The following NBPF11 variants were observed in gnomAD, a reference collection of about 807,000 sequenced individuals.
NBPF11 encodes the protein NBPF member 11, also known as NBPF family member NBPF11.
In NBPF11, 72 loss-of-function variants were observed where a neutral mutation model predicts 93.9. The observed-to-expected ratio is 0.77, with a 90% CI of 0.63 to 0.93. The LOEUF is 0.93. NBPF11 is among the 40% of genes least tolerant of loss of function. The pLI is 0.00. For synonymous variants in NBPF11, 224 were observed against 304.9 expected (o/e 0.73, Z 2.76); for missense variants, 705 against 802.2 (o/e 0.88, Z 1.46).
In NBPF11 at chr1:148,131,130, C is replaced by T. The variant is rs1404791234; in HGVS notation, c.-35-4092G>A. ...GCCTCCCTAAAAACTGTTTCAGTAG[C>T]GACTGAGTGGTTCAATTAAATATTA... On this transcript the variant is annotated intron_variant, in intron 4 of 23. Coordinates refer to ENST00000682118, the MANE Select transcript of NBPF11 (RefSeq NM_001385469.3). Among the ~76,000 whole-genome samples the T allele has an allele frequency of 2.3e-4, 33 of 146,440 alleles. No homozygotes were observed. In the East Asian group the frequency reaches 5.6e-3, roughly 25 times the overall value.
chr1:148,139,294 G>A (rs1466466613), intron 2 of NBPF11, among the ~76,000 whole-genome samples: 1 of 146,640 alleles, frequency 6.8e-6, no homozygotes, highest in Non-Finnish European at 1.5e-5. Flanking sequence ...CTACTATTAT[G>A]TTCCCCCGAA....
chr1:148,126,784 G>T, intron 5 of NBPF11, 45 bp downstream of exon 5: 2 of 1,601,532 alleles, frequency 1.2e-6, no homozygotes, highest in Non-Finnish European at 1.7e-6. Flanking sequence ...AGCATTTAGT[G>T]TCTCACATTC....
chr1:148,103,743 C>T lies in NBPF11; in HGVS notation c.*153G>A, dbSNP rs1271150594. On this transcript the variant is annotated 3_prime_UTR_variant, in exon 24 of 24. Transcript: ENST00000682118. ...ACCGTCAAAGTAAAAAACCTATTGT[C>T]CATGTCAAGGGCAAAGCTGATGTGC... 2.5e-6 allele frequency: 4 copies of T among 1,611,598 alleles called. No individual in the cohort carries two copies. In the African/African-American group the frequency reaches 5.3e-5, roughly 22 times the overall value.
At chr1:148,143,092 A>ATG in intron 2 of NBPF11, among the ~76,000 whole-genome samples, 1 of 143,008 alleles carries the variant, frequency 7.0e-6, no homozygotes, top group Non-Finnish European at 1.5e-5. Flanking sequence ...AAACAGAGAG[A>ATG]GAAATGGGGG....
In NBPF11 at chr1:148,108,500, A is replaced by G; in HGVS notation, c.2008T>C (p.Leu670=). The change falls in exon 18 of 24, where the codon TTG becomes CTG. Residue 670 remains leucine, a synonymous_variant. Coordinates refer to ENST00000682118, the MANE Select transcript of NBPF11 (RefSeq NM_001385469.3). ...TACTCACCATCCATGTCAACAGCCA[A>G]GCCAATACGCTGTTGCTCCAATACG... ...FYVLEQQRIG[L]AVDMDEIEKY... 2.5e-6 allele frequency: 4 copies of G among 1,590,952 alleles called. No individual in the cohort carries two copies. In the African/African-American group the frequency reaches 4.1e-5, roughly 16 times the overall value.
At chr1:148,113,328 T>C (rs2149202075) in intron 15 of NBPF11, among the ~76,000 whole-genome samples, 1 of 151,934 alleles carries the variant, frequency 6.6e-6, no homozygotes, top group Non-Finnish European at 1.5e-5. Context: ...TCCTAGTCTC[T>C]GATAAAACAG....
rs1217001504 is a variant in NBPF11, at chr1:148,123,878, C to T, written c.468G>A (p.Gln156=). ...CTGGGCTGAGCTTTTGGACAAGGTGCTGTGCCAGTCTACACCCCTCAGCCA... is the reference window on the plus strand; with the variant it reads ...CTGGGCTGAGCTTTTGGACAAGGTGTTGTGCCAGTCTACACCCCTCAGCCA... ...EQLAEGCRLA[Q]HLVQKLSPEN... is the part of the protein sequence containing the mutation. Residue 156 remains glutamine (Q), a synonymous_variant, in exon 7 of 24, where the codon CAG becomes CAA. Coordinates refer to ENST00000682118, the MANE Select transcript of NBPF11 (RefSeq NM_001385469.3). 3.4e-5 allele frequency: 55 copies of T among 1,606,816 alleles called. No individual in the cohort carries two copies. The highest frequency in any genetic ancestry group is 4.5e-4 in the Middle Eastern group (2 of 4,448).
rs1353357227 is a variant in NBPF11 at position 148,102,444 on chromosome 1, AG to A, written c.*1451del. Reference sequence around the variant, plus strand: ...TCATTATAAGTAAGGTGTCTCTAAAAGGGACAGATCTCCTAGACCCCTCCTT... The same window carrying A: ...TCATTATAAGTAAGGTGTCTCTAAAAGGACAGATCTCCTAGACCCCTCCTT... On this transcript the variant is annotated 3_prime_UTR_variant, in exon 24 of 24. Coordinates refer to ENST00000682118, the MANE Select transcript of NBPF11 (RefSeq NM_001385469.3). The A allele has an allele frequency of 6.6e-6, 1 of 151,876 alleles. No homozygotes were observed. Among genetic ancestry groups the A allele is most frequent in the African/African-American group, 2.4e-5 (1 of 41,172 alleles). 9.4% of individuals were successfully genotyped at this position (151,876 alleles called of 1,614,324 possible). A position where few individuals can be genotyped will look rare whatever the true frequency, so the allele number is the denominator to read the frequency against.
At position 148,103,678 on chromosome 1, in the gene NBPF11, G is replaced by A. The variant is rs1388562583; in HGVS notation, c.*218C>T. The A allele has an allele frequency of 2.5e-6, 4 of 1,611,128 alleles. No homozygotes were observed. In the Admixed American group the frequency reaches 5.0e-5, roughly 20 times the overall value. ...GCTTAGTAAGGGCTGCTTATTGTGG[G>A]AATATGACTCCCATCTGGAAGACCA... On this transcript the variant is annotated 3_prime_UTR_variant, in exon 24 of 24. Transcript: ENST00000682118.
chr1:148,140,213 A>C (rs1438253290), intron 2 of NBPF11, among the ~76,000 whole-genome samples: 1 of 152,060 alleles, frequency 6.6e-6, no homozygotes, highest in Non-Finnish European at 1.5e-5. Flanking sequence ...GTGCTAGAAC[A>C]GCTGGACAAC....
intron 12 of NBPF11, among the ~76,000 whole-genome samples, chr1:148,116,874 C>CA (rs1174451851): frequency 2.6e-5 from 4 of 152,176 alleles, no homozygotes; most frequent in Non-Finnish European, 5.9e-5. Context: ...GGTGTCCTGT[C>CA]ACAGTTTGCA....
chr1:148,146,410 C>G, intron 1 of NBPF11: 2 of 1,601,974 alleles, frequency 1.2e-6, no homozygotes, highest in South Asian at 2.2e-5. Flanking sequence ...CGGGCTGTCG[C>G]TGAGTGAGCT....
Position 148,116,545 on chromosome 1 carries a change from C to G in NBPF11, c.1307-10G>C. 1 of 673,462 alleles carries G rather than the reference C, an allele frequency of 1.5e-6. No individual in the cohort carries two copies. Among genetic ancestry groups the G allele is most frequent in the East Asian group, 2.6e-5 (1 of 38,272 alleles). The allele number at this position is 673,462 out of a possible 1,614,324, so 41.7% of individuals were successfully genotyped here. On this transcript the variant is annotated splice_polypyrimidine_tract_variant and intron_variant, in intron 12 of 23. Transcript: ENST00000682118. ...TCATCGTTATCATTTTCTGTAAATA[C>G]AGAAGTGTTCATTCAGATATTTCCC...
chr1:148,135,667 C>A lies in NBPF11; in HGVS notation c.-36+5G>T. The A allele has an allele frequency of 1.6e-6, 1 of 637,534 alleles. No homozygotes were observed. The highest frequency in any genetic ancestry group is 2.8e-6 in the Non-Finnish European group (1 of 359,740). The allele number at this position is 637,534 out of a possible 1,614,324, so 39.5% of individuals were successfully genotyped here. A position where few individuals can be genotyped will look rare whatever the true frequency, so the allele number is the denominator to read the frequency against. ...TCAGAAAGCTCTCTGTGTTTGAGTA[C>A]GCACCTTGATCCATAGGCTCACATT... On this transcript the variant is annotated splice_donor_5th_base_variant and intron_variant, in intron 4 of 23. Transcript: ENST00000682118.
At position 148,103,822 on chromosome 1, in the gene NBPF11, T is replaced by C; in HGVS notation, c.*74A>G. On this transcript the variant is annotated 3_prime_UTR_variant, in exon 24 of 24. Coordinates refer to ENST00000682118, the MANE Select transcript of NBPF11 (RefSeq NM_001385469.3). ...TGTAGTGCTGGAATGAGTCAGGTAGTTCAAAGTACATTGATGGAGTCGAAT... is the reference window on the plus strand; with the variant it reads ...TGTAGTGCTGGAATGAGTCAGGTAGCTCAAAGTACATTGATGGAGTCGAAT... 14 of 1,611,732 alleles carry C rather than the reference T, an allele frequency of 8.7e-6. No homozygotes were observed. Among genetic ancestry groups the C allele is most frequent in the Non-Finnish European group, 1.2e-5 (14 of 1,179,448 alleles).
intron 5 of NBPF11, 62 bp downstream of exon 5, chr1:148,126,767 T>A (rs1288163602): frequency 6.4e-7 from 1 of 1,551,598 alleles, no homozygotes; most frequent in Non-Finnish European, 8.9e-7. Context: ...TTATTTTTGA[T>A]GGAGAGAGCA....
intron 1 of NBPF11, among the ~76,000 whole-genome samples, chr1:148,150,153 CTTTTTT>C (rs56775503): frequency 7.4e-6 from 1 of 135,026 alleles, no homozygotes; most frequent in Non-Finnish European, 1.6e-5. Flanking sequence ...ATGACCTGTA[CTTTTTT>C]TTTTTTTTTT....
intron 16 of NBPF11, 61 bp downstream of exon 16, chr1:148,110,317 A>G: frequency 6.4e-7 from 1 of 1,559,926 alleles, no homozygotes; most frequent in Non-Finnish European, 8.8e-7. Context: ...AGGCCCAAAG[A>G]TTATGGGGTC....
At chr1:148,109,183 G>C (rs1349560551) in intron 17 of NBPF11, 101 bp downstream of exon 17, 5 of 944,320 alleles carry the variant, frequency 5.3e-6, no homozygotes, top group Non-Finnish European at 8.6e-6. Context: ...AGACTTGTCT[G>C]ACAAGACAAA....
Sources: allele counts gnomAD v4.1 joint callset (sites outside exome capture counted in the v4.1 genomes callset), GRCh38; gene constraint gnomAD v4.1.1; transcripts MANE v1.5; gene names NCBI Gene and HGNC (gene_info 2026-07-23, HGNC 2026-07-21).